Variants in DYNC2I1 observed in about 807,000 individuals in gnomAD.
DYNC2I1 encodes the protein dynein 2 intermediate chain 1, also known as cytoplasmic dynein 2 intermediate chain 1.
A neutral mutation model predicts 133.4 loss-of-function variants in DYNC2I1; 89 were observed. The observed-to-expected ratio is 0.67, with a 90% CI of 0.56 to 0.80. The LOEUF is 0.80. DYNC2I1 is among the 30% of genes least tolerant of loss of function. The pLI is 0.00. For synonymous variants in DYNC2I1, 504 were observed against 484.3 expected, an observed-to-expected ratio of 1.04 and a Z score of -0.54; for missense variants, 1,291 against 1,314.5, an observed-to-expected ratio of 0.98 and a Z score of 0.28.
chr7:158,859,356 A>G (rs1841667142), intron 1 of DYNC2I1, among the ~76,000 whole-genome samples: 1 of 152,064 alleles, frequency 6.6e-6, no homozygotes, highest in Non-Finnish European at 1.5e-5. Context: ...TATCTTTGTG[A>G]GTAACATTTT....
intron 15 of DYNC2I1, among the ~76,000 whole-genome samples, chr7:158,920,032 A>G (rs1171374804): frequency 6.6e-6 from 1 of 151,020 alleles, no homozygotes; most frequent in Non-Finnish European, 1.5e-5. Context: ...TGTGTACCAC[A>G]GCGTGTGGCC....
downstream of DYNC2I1, among the ~76,000 whole-genome samples, chr7:158,958,217 T>C (rs538602268): frequency 9.2e-5 from 14 of 152,358 alleles, 1 homozygote; most frequent in African/African-American, 3.1e-4. Context: ...TCGTTGGTGT[T>C]GCTTATGAGG....
intron 1 of DYNC2I1, among the ~76,000 whole-genome samples, chr7:158,857,456 A>C (rs1841380966): frequency 6.7e-6 from 1 of 148,784 alleles, no homozygotes; most frequent in Non-Finnish European, 1.5e-5. Context: ...CTTCACTCCT[A>C]TTATTTTTTC....
chr7:158,856,059 A>G (rs1841208001), upstream of DYNC2I1, among the ~76,000 whole-genome samples: 1 of 147,592 alleles, frequency 6.8e-6, no homozygotes, highest in Non-Finnish European at 1.5e-5. Context: ...CTTCTGCCTC[A>G]GCCTCCCGAG....
At chr7:158,914,766 C>T (rs573786525) in intron 14 of DYNC2I1, among the ~76,000 whole-genome samples, 4 of 152,294 alleles carry the variant, frequency 2.6e-5, no homozygotes, top group Non-Finnish European at 5.9e-5. Context: ...GTGGTTATCA[C>T]CTCATGGCTG....
In DYNC2I1 at chr7:158,923,619, G is replaced by A. The variant is rs759559421; in HGVS notation, c.2143G>A (p.Gly715Arg). The change falls in exon 17 of 25, where the codon GGA becomes AGA. Residue 715 changes from glycine to arginine, a missense_variant. Gly to Arg is a moderately radical substitution (Grantham distance 125). Transcript: ENST00000407559. ...TTTGAAAGCATTTTTACTGTTTGCC[G>A]GAACAGCGCACGGCTCAGTTGTCGT... ...SPLKAFLLFA[G>R]TAHGSVVVWD... 68 of 1,613,846 alleles carry A rather than the reference G, an allele frequency of 4.2e-5. No individual in the cohort carries two copies. The highest frequency in any genetic ancestry group is 3.9e-5 in the Non-Finnish European group (46 of 1,179,912).
intron 14 of DYNC2I1, among the ~76,000 whole-genome samples, chr7:158,917,698 A>T (rs142962548): frequency 2.0e-5 from 3 of 148,864 alleles, no homozygotes; most frequent in Non-Finnish European, 4.5e-5. Flanking sequence ...CCTCTCACTA[A>T]ACACCCCCTG....
chr7:158,877,376 G>A (rs1843461523), intron 4 of DYNC2I1, among the ~76,000 whole-genome samples: 1 of 152,216 alleles, frequency 6.6e-6, no homozygotes, highest in Non-Finnish European at 1.5e-5. Context: ...CTGTGTGTTT[G>A]TGTTTTTTCT....
chr7:158,941,944 G>A lies in DYNC2I1; in HGVS notation c.2798G>A (p.Ser933Asn), dbSNP rs542286392. The A allele has an allele frequency of 1.9e-6, 3 of 1,608,664 alleles. No individual in the cohort carries two copies. The highest frequency in any genetic ancestry group is 1.7e-5 in the Admixed American group (1 of 59,310). Residue 933 changes from serine to asparagine, a missense_variant, in exon 24 of 25, where the codon AGC becomes AAC. Ser to Asn is a conservative substitution (Grantham distance 46). Transcript: ENST00000407559. Reference protein sequence around the residue: ...PIFLAGCSDGSIRLHQLSSAF... With the variant: ...PIFLAGCSDGNIRLHQLSSAF... ...TCATAGGCCGGCTGTTCGGACGGAA[G>A]CATCAGGCTGCACCAGCTGAGCTCC... is the stretch of plus-strand genomic sequence containing the variant.
intron 1 of DYNC2I1, among the ~76,000 whole-genome samples, chr7:158,862,755 G>A (rs1030970449): frequency 2.6e-5 from 4 of 152,038 alleles, no homozygotes; most frequent in African/African-American, 4.8e-5. Flanking sequence ...CCCTCGCGGC[G>A]AGTGTTACAA....
Position 158,911,568 on chromosome 7 carries a change from G to T in DYNC2I1, c.1479G>T (p.Leu493=). The change falls in exon 12 of 25, where the codon CTG becomes CTT. Residue 493 remains leucine (L), a synonymous_variant. Transcript: ENST00000407559. The part of the protein sequence containing the change: ...ALKQKMRSTK[L]LRLIDLDFSF... Reference sequence around the variant, plus strand: ...TTCAAAGGATGCGAAGTACAAAACTGCTTCGGCTCATTGACTTAGATTTTT... The same window carrying T: ...TTCAAAGGATGCGAAGTACAAAACTTCTTCGGCTCATTGACTTAGATTTTT... 6.2e-7 allele frequency: 1 copy of T among 1,613,392 alleles called. No individual in the cohort carries two copies. The highest frequency in any genetic ancestry group is 8.5e-7 in the Non-Finnish European group (1 of 1,179,730).
intron 4 of DYNC2I1, among the ~76,000 whole-genome samples, chr7:158,954,425 A>C (rs1852146810): frequency 1.3e-5 from 2 of 152,224 alleles, no homozygotes; most frequent in South Asian, 4.1e-4. Flanking sequence ...TGGGCAGATC[A>C]CTTGAGTCTA....
At chr7:158,870,543 A>T (rs1842790261) in intron 2 of DYNC2I1, among the ~76,000 whole-genome samples, 2 of 151,344 alleles carry the variant, frequency 1.3e-5, no homozygotes, top group African/African-American at 2.4e-5. Context: ...TAATTTTTTA[A>T]TTTTTTGCGG....
chr7:158,866,011 T>A (rs1038946244), intron 1 of DYNC2I1, among the ~76,000 whole-genome samples: 1 of 152,212 alleles, frequency 6.6e-6, no homozygotes, highest in African/African-American at 2.4e-5. Context: ...CTTTTCATAC[T>A]GAAAAGTAGA....
chr7:158,896,204 G>A (rs1396139938), intron 8 of DYNC2I1, among the ~76,000 whole-genome samples: 2 of 152,132 alleles, frequency 1.3e-5, no homozygotes, highest in African/African-American at 2.4e-5. Flanking sequence ...TCTCACTTAG[G>A]TATGATATTA....
chr7:158,874,806 C>T (rs1330551351), intron 3 of DYNC2I1, among the ~76,000 whole-genome samples: 1 of 152,206 alleles, frequency 6.6e-6, no homozygotes, highest in African/African-American at 2.4e-5. Context: ...GCTTGTGTAT[C>T]CCCTGTGCTT....
intron 1 of DYNC2I1, among the ~76,000 whole-genome samples, chr7:158,864,729 C>T (rs1235924503): frequency 1.3e-5 from 2 of 152,044 alleles, no homozygotes; most frequent in African/African-American, 4.8e-5. Context: ...TGGTCTTGAA[C>T]TCCTGGGCTC....
intron 14 of DYNC2I1, among the ~76,000 whole-genome samples, 181 bp downstream of exon 14, chr7:158,914,502 T>A (rs1012608888): frequency 5.3e-5 from 8 of 152,236 alleles, no homozygotes; most frequent in African/African-American, 1.9e-4. Context: ...TAAGCCCTTG[T>A]GGGCAGAATG....
intron 6 of DYNC2I1, among the ~76,000 whole-genome samples, chr7:158,885,021 G>A (rs1844455245): frequency 1.3e-5 from 2 of 152,194 alleles, no homozygotes; most frequent in Non-Finnish European, 2.9e-5. Flanking sequence ...AGTCCTCCCT[G>A]CCTGAAGCTA....
Sources: gnomAD v4.1 joint callset for allele counts (sites outside exome capture counted in the v4.1 genomes callset) on GRCh38, gnomAD v4.1.1 for gene constraint, MANE v1.5 for transcripts, NCBI Gene and HGNC (gene_info 2026-07-23, HGNC 2026-07-21) for gene names.